The following DNM3 variants were observed in gnomAD, a reference collection of about 807,000 sequenced individuals.
The protein encoded by DNM3 is dynamin-3.
In DNM3, 47 loss-of-function variants were observed where a neutral mutation model predicts 101.6. The observed-to-expected ratio is 0.46, with a 90% CI of 0.37 to 0.59. The LOEUF (loss-of-function observed/expected upper bound fraction) is 0.59. Among genes scored for constraint, DNM3 ranks in the 20% least tolerant of loss-of-function variants. The pLI is 0.00. For synonymous variants in DNM3, 385 were observed against 387.9 expected (o/e 0.99, Z 0.09); for missense variants, 849 against 1,085.7 (o/e 0.78, Z 3.06).
chr1:172,201,671 A>G (rs1244843530), intron 14 of DNM3, among the ~76,000 whole-genome samples: 1 of 152,192 alleles, frequency 6.6e-6, no homozygotes, highest in Non-Finnish European at 1.5e-5. Flanking sequence ...TTACTCCTTC[A>G]TTAGTGCAAG....
At chr1:172,075,361 G>T (rs949435587) in intron 11 of DNM3, among the ~76,000 whole-genome samples, 1 of 151,986 alleles carries the variant, frequency 6.6e-6, no homozygotes, top group African/African-American at 2.4e-5. Flanking sequence ...CATTGCTTTT[G>T]GTGTTTTAGT....
At chr1:172,240,859 CA>C (rs1231753505) in intron 14 of DNM3, among the ~76,000 whole-genome samples, 10 of 151,922 alleles carry the variant, frequency 6.6e-5, no homozygotes, top group Admixed American at 6.6e-4. Context: ...TGCCTTGGAG[CA>C]CAAAAAGAAA....
chr1:172,223,717 T>C lies in DNM3; in HGVS notation c.1660-29856T>C, dbSNP rs147577147. Among the ~76,000 whole-genome samples, 278 of 152,270 alleles carry C rather than the reference T, an allele frequency of 1.8e-3. 3 individuals carry two copies. Among genetic ancestry groups the C allele is most frequent in the African/African-American group, 6.5e-3 (269 of 41,564 alleles). ...CTAAATAGTTTTTAAATACATATAC[T>C]CTTCTATTCTCCAACCACCTTAGTC... On this transcript the variant is annotated intron_variant, in intron 14 of 20. Transcript: ENST00000627582.
At chr1:172,313,026 CCA>C (rs1485106029) in intron 16 of DNM3, among the ~76,000 whole-genome samples, 3 of 152,196 alleles carry the variant, frequency 2.0e-5, no homozygotes, top group Admixed American at 6.5e-5. Context: ...TTCCTTTGAG[CCA>C]CAGATTTAGC....
chr1:171,845,296 C>T, intron 1 of DNM3, among the ~76,000 whole-genome samples: 1 of 152,160 alleles, frequency 6.6e-6, no homozygotes, highest in Non-Finnish European at 1.5e-5. Context: ...TGCTTATAAC[C>T]CCAGTATTTG....
intron 11 of DNM3, among the ~76,000 whole-genome samples, chr1:172,074,552 T>C (rs1418725353): frequency 6.6e-6 from 1 of 151,682 alleles, no homozygotes; most frequent in Non-Finnish European, 1.5e-5. Context: ...CACTTATGAG[T>C]GAGAACATGC....
At chr1:172,305,808 A>AAAGGC (rs2064779216) in intron 15 of DNM3, among the ~76,000 whole-genome samples, 1 of 152,252 alleles carries the variant, frequency 6.6e-6, no homozygotes, top group Non-Finnish European at 1.5e-5. Context: ...TAGATGCAGA[A>AAAGGC]AAGGCCTTTG....
intron 15 of DNM3, among the ~76,000 whole-genome samples, chr1:172,281,892 C>T (rs1257782187): frequency 1.3e-5 from 2 of 151,840 alleles, no homozygotes; most frequent in African/African-American, 4.8e-5. Context: ...TATCACAGTA[C>T]CCCATAAATA....
chr1:172,287,029 C>T (rs1043108032), intron 15 of DNM3, among the ~76,000 whole-genome samples: 3 of 152,136 alleles, frequency 2.0e-5, no homozygotes, highest in African/African-American at 7.2e-5. Context: ...GCACGTCTTG[C>T]TCAATTTCTC....
intron 14 of DNM3, among the ~76,000 whole-genome samples, chr1:172,182,914 A>G (rs541335746): frequency 2.2e-4 from 34 of 152,284 alleles, no homozygotes; most frequent in Non-Finnish European, 3.4e-4. Flanking sequence ...TTGATAATGT[A>G]GTATCATTCC....
In DNM3 at chr1:171,882,154, C is replaced by T. The variant is rs112130170; in HGVS notation, c.162-39594C>T. Among the ~76,000 whole-genome samples, 613 of 151,990 alleles carry T rather than the reference C, an allele frequency of 4.0e-3. 1 individual carries two copies. Among genetic ancestry groups the T allele is most frequent in the Non-Finnish European group, 6.6e-3 (446 of 67,978 alleles). Reference sequence around the variant, plus strand: ...CTGAGGTCAGGAGTTCGAGACCAGCCTCAACATGGAGAAACCCCATCTCTA... The same window carrying T: ...CTGAGGTCAGGAGTTCGAGACCAGCTTCAACATGGAGAAACCCCATCTCTA... On this transcript the variant is annotated intron_variant, in intron 1 of 20. Coordinates refer to ENST00000627582, the MANE Select transcript of DNM3 (RefSeq NM_015569.5).
intron 14 of DNM3, among the ~76,000 whole-genome samples, chr1:172,155,852 A>G (rs10911122): frequency 0.36 from 54,131 of 151,936 alleles, 12,380 homozygotes; most frequent in African/African-American, 0.63. Context: ...ATAAGTTTAG[A>G]TTTATCTAAA....
At chr1:172,324,993 T>C (rs1273341325) in intron 17 of DNM3, among the ~76,000 whole-genome samples, 1 of 152,114 alleles carries the variant, frequency 6.6e-6, no homozygotes. Flanking sequence ...CTTTCACTAG[T>C]GGATTCACCG....
At chr1:172,053,970 T>G (rs1231063356) in intron 10 of DNM3, among the ~76,000 whole-genome samples, 2 of 152,168 alleles carry the variant, frequency 1.3e-5, no homozygotes, top group Non-Finnish European at 2.9e-5. Context: ...GCAGGACATT[T>G]TTGAGACTTA....
At chr1:172,000,633 A>G (rs2046301586) in intron 4 of DNM3, among the ~76,000 whole-genome samples, 1 of 152,030 alleles carries the variant, frequency 6.6e-6, no homozygotes, top group Non-Finnish European at 1.5e-5. Flanking sequence ...AATCATCCTC[A>G]CCTCCAATCT....
intron 14 of DNM3, among the ~76,000 whole-genome samples, chr1:172,181,481 T>C (rs1262944366): frequency 6.6e-6 from 1 of 151,948 alleles, no homozygotes; most frequent in Admixed American, 6.6e-5. Flanking sequence ...CCCTGAAAGA[T>C]TACACTACCT....
rs1429048910 is a variant in DNM3, at chr1:172,379,166, A to G, written c.2042A>G (p.His681Arg). The G allele has an allele frequency of 8.7e-6, 14 of 1,607,990 alleles. No homozygotes were observed. The highest frequency in any genetic ancestry group is 1.2e-5 in the Non-Finnish European group (14 of 1,176,864). Residue 681 changes from histidine (H) to arginine (R), a missense_variant, in exon 18 of 21, where the codon CAC becomes CGC. This residue lies in a region of DNM3 where 256 missense variants were observed against 311.7 expected (regional missense o/e 0.82). Coordinates refer to ENST00000627582, the MANE Select transcript of DNM3 (RefSeq NM_015569.5). The stretch of plus-strand genomic sequence containing the variant: ...GATCTAATTCCAAAAACAATAATGC[A>G]CCTTATGATCAATAACGTAAGTGAT... ...IRDLIPKTIM[H>R]LMINNVKDFI...
At chr1:172,235,488 A>G (rs1238347324) in intron 14 of DNM3, among the ~76,000 whole-genome samples, 1 of 152,194 alleles carries the variant, frequency 6.6e-6, no homozygotes, top group African/African-American at 2.4e-5. Flanking sequence ...CAGCAATCCC[A>G]TTACTGGATA....
At chr1:171,863,252 G>A (rs913054371) in intron 1 of DNM3, among the ~76,000 whole-genome samples, 1 of 151,984 alleles carries the variant, frequency 6.6e-6, no homozygotes, top group African/African-American at 2.4e-5. Context: ...TGGTGAGATG[G>A]GCATCCCACA....
Sources: allele counts gnomAD v4.1 joint callset (sites outside exome capture counted in the v4.1 genomes callset), GRCh38; gene constraint gnomAD v4.1.1; regional missense constraint gnomAD v4.1.1; transcripts MANE v1.5; gene names NCBI Gene and HGNC (gene_info 2026-07-23, HGNC 2026-07-21).